The following PDZD2 variants were observed in gnomAD, a reference collection of about 807,000 sequenced individuals.
PDZD2 encodes the protein PDZ domain-containing protein 2.
In PDZD2, 90 loss-of-function variants were observed where a neutral mutation model predicts 220.7. The observed-to-expected ratio is 0.41, with a 90% CI of 0.34 to 0.49. The LOEUF (loss-of-function observed/expected upper bound fraction) is 0.49. Among genes scored for constraint, PDZD2 ranks in the 20% least tolerant of loss-of-function variants. The pLI is 0.28. For missense variants in PDZD2, 3,174 were observed against 3,608.5 expected, an observed-to-expected ratio of 0.88 and a Z score of 3.08; for synonymous variants, 1,375 against 1,450.5, an observed-to-expected ratio of 0.95 and a Z score of 1.18.
intron 2 of PDZD2, among the ~76,000 whole-genome samples, chr5:31,975,821 T>TTGA (rs1392254387): frequency 7.7e-6 from 1 of 129,210 alleles, no homozygotes; most frequent in African/African-American, 3.0e-5. Flanking sequence ...TTTTTTTTTT[T>TTGA]GAGACAAGGT....
chr5:32,028,684 G>T (rs866420305), intron 6 of PDZD2, among the ~76,000 whole-genome samples: 638 of 96,672 alleles, frequency 6.6e-3, no homozygotes, highest in East Asian at 0.013. Context: ...TGTTTTTTTT[G>T]TTTTTTTTTT....
At chr5:32,026,973 G>A (rs1161386611) in intron 6 of PDZD2, among the ~76,000 whole-genome samples, 1 of 152,170 alleles carries the variant, frequency 6.6e-6, no homozygotes, top group African/African-American at 2.4e-5. Flanking sequence ...CACGATCTCG[G>A]CTCACTGCAG....
At chr5:31,689,353 A>ATATTTTTTTTTTTTTTTTTTTCTTT in intron 1 of PDZD2, among the ~76,000 whole-genome samples, 2 of 35,142 alleles carry the variant, frequency 5.7e-5, no homozygotes, top group African/African-American at 2.1e-4. Context: ...ATATATATAT[A>ATATTTTTTTTTTTTTTTTTTTCTTT]TTTTTTTTTT....
At chr5:31,908,610 A>C in intron 2 of PDZD2, 1 of 1,005,324 alleles carries the variant, frequency 9.9e-7, no homozygotes. Flanking sequence ...TCACCAGAGA[A>C]GCCTACAAGA....
At chr5:31,709,544 A>G (rs374117586) in intron 1 of PDZD2, among the ~76,000 whole-genome samples, 1 of 151,786 alleles carries the variant, frequency 6.6e-6, no homozygotes, top group Admixed American at 6.6e-5. Context: ...TCCTGGGCCA[A>G]TTTTCTCTTC....
intron 1 of PDZD2, among the ~76,000 whole-genome samples, chr5:31,762,758 A>G (rs1164927229): frequency 6.6e-6 from 1 of 152,234 alleles, no homozygotes; most frequent in Admixed American, 6.5e-5. Context: ...AAAGCTCATT[A>G]GATGGAACCA....
chr5:31,677,271 C>T (rs1056121094), intron 1 of PDZD2, among the ~76,000 whole-genome samples: 2 of 152,070 alleles, frequency 1.3e-5, no homozygotes, highest in Non-Finnish European at 2.9e-5. Flanking sequence ...TGGGACAAAA[C>T]CATTCGAGAG....
chr5:31,707,031 C>T (rs377161190), intron 1 of PDZD2, among the ~76,000 whole-genome samples: 36 of 151,728 alleles, frequency 2.4e-4, no homozygotes, highest in East Asian at 2.0e-3. Flanking sequence ...GTGGGGCCCT[C>T]ATCCAGTAAG....
chr5:31,999,256 T>G (rs1186363823), intron 4 of PDZD2, among the ~76,000 whole-genome samples: 124 of 102,152 alleles, frequency 1.2e-3, no homozygotes, highest in South Asian at 5.3e-3. Context: ...TGCTTTTTTT[T>G]GGGGGGGGCG....
intron 1 of PDZD2, among the ~76,000 whole-genome samples, chr5:31,680,371 CATCT>C (rs1255228366): frequency 6.6e-6 from 1 of 152,144 alleles, no homozygotes; most frequent in Non-Finnish European, 1.5e-5. Context: ...GACTTCCATC[CATCT>C]ATCTGATCAG....
At chr5:31,660,453 C>T (rs972399381) in intron 1 of PDZD2, among the ~76,000 whole-genome samples, 2 of 152,090 alleles carry the variant, frequency 1.3e-5, no homozygotes, top group South Asian at 2.1e-4. Flanking sequence ...TTAATTGACT[C>T]TCAGTTCCGC....
At chr5:32,050,684 G>A (rs149496511) in intron 8 of PDZD2, among the ~76,000 whole-genome samples, 28 of 152,258 alleles carry the variant, frequency 1.8e-4, no homozygotes, top group African/African-American at 6.7e-4. Context: ...AGCTGGGTAT[G>A]GTCGTGCATA....
intron 1 of PDZD2, among the ~76,000 whole-genome samples, chr5:31,711,652 T>G (rs941132931): frequency 6.6e-6 from 1 of 152,174 alleles, no homozygotes; most frequent in Non-Finnish European, 1.5e-5. Flanking sequence ...CTAGCCACGC[T>G]TCATCGACAA....
chr5:31,836,786 A>G (rs1239796671), intron 2 of PDZD2, among the ~76,000 whole-genome samples: 3 of 152,114 alleles, frequency 2.0e-5, no homozygotes, highest in African/African-American at 7.2e-5. Context: ...TGGGAGGCCC[A>G]GGTGGGTGGA....
chr5:31,693,958 T>C (rs1225579468), intron 1 of PDZD2, among the ~76,000 whole-genome samples: 3 of 152,236 alleles, frequency 2.0e-5, no homozygotes, highest in Non-Finnish European at 1.5e-5. Flanking sequence ...GGATTTCATA[T>C]GTCAAAGCCC....
At chr5:31,768,240 C>T (rs1210735305) in intron 1 of PDZD2, among the ~76,000 whole-genome samples, 1 of 152,194 alleles carries the variant, frequency 6.6e-6, no homozygotes, top group East Asian at 1.9e-4. Flanking sequence ...CCGTGAAAGG[C>T]AGGCGAGCAG....
chr5:31,689,302 C>T (rs7709360), intron 1 of PDZD2, among the ~76,000 whole-genome samples: 2 of 95,032 alleles, frequency 2.1e-5, no homozygotes, highest in African/African-American at 4.1e-5. Flanking sequence ...TATACATATA[C>T]ACATACATAC....
chr5:31,868,252 C>G (rs978832176), intron 2 of PDZD2, among the ~76,000 whole-genome samples: 1 of 152,178 alleles, frequency 6.6e-6, no homozygotes, highest in Admixed American at 6.5e-5. Context: ...CAAGGCCAGC[C>G]TAGCCAACAT....
chr5:31,800,137 A>T (rs946045553), intron 2 of PDZD2, among the ~76,000 whole-genome samples: 12 of 152,056 alleles, frequency 7.9e-5, no homozygotes, highest in Non-Finnish European at 1.8e-4. Flanking sequence ...AGGGAACAAG[A>T]CCCCAAGGGC....
Sources: gnomAD v4.1 joint callset for allele counts (sites outside exome capture counted in the v4.1 genomes callset) on GRCh38, gnomAD v4.1.1 for gene constraint, MANE v1.5 for transcripts, NCBI Gene and HGNC (gene_info 2026-07-23, HGNC 2026-07-21) for gene names.